RTKN2: variants seen among roughly 807,000 people sequenced by gnomAD.
RTKN2 encodes rhotekin 2.
Under a neutral mutation model 71.5 loss-of-function variants are expected in RTKN2, and 69 were observed. That is an observed-to-expected ratio of 0.96 (90% CI 0.79 to 1.18). RTKN2 has a LOEUF of 1.18. RTKN2 is among the 50% of genes most tolerant of loss of function. The probability of loss-of-function intolerance (pLI) is 0.00; values close to 1 mark genes in which losing one functional copy is unlikely to be tolerated. For synonymous variants in RTKN2, 236 were observed against 236.5 expected, an observed-to-expected ratio of 1.00 and a Z score of 0.02; for missense variants, 724 against 719.7, an observed-to-expected ratio of 1.01 and a Z score of -0.07.
At chr10:62,246,858 G>C (rs769287) in intron 2 of RTKN2, among the ~76,000 whole-genome samples, 27,476 of 150,658 alleles carry the variant, frequency 0.18, 2,770 homozygotes, top group African/African-American at 0.27. Flanking sequence ...ATCTGAAGTT[G>C]GAATATTTTA....
chr10:62,204,623 G>T (rs967603440), intron 10 of RTKN2, among the ~76,000 whole-genome samples: 1 of 152,126 alleles, frequency 6.6e-6, no homozygotes, highest in African/African-American at 2.4e-5. Context: ...ACCAGAGGGA[G>T]CTTCAAAAAG....
intron 5 of RTKN2, among the ~76,000 whole-genome samples, chr10:62,236,957 C>A (rs1842271794): frequency 6.6e-6 from 1 of 151,082 alleles, no homozygotes; most frequent in East Asian, 1.9e-4. Flanking sequence ...CAGTGGTTAC[C>A]ATGGGCAAGG....
At chr10:62,248,342 T>C (rs1331087076) in intron 2 of RTKN2, among the ~76,000 whole-genome samples, 2 of 152,172 alleles carry the variant, frequency 1.3e-5, no homozygotes, top group African/African-American at 4.8e-5. Flanking sequence ...TTTAGGGTAC[T>C]AAAATGTGAT....
Position 62,198,409 on chromosome 10 carries a change from C to T in RTKN2, c.1329G>A (p.Thr443=), listed in dbSNP as rs766306236. 1.0e-5 allele frequency: 16 copies of T among 1,557,946 alleles called. No homozygotes were observed. The Admixed American group carries it at 1.2e-4, about 12-fold the overall frequency. Residue 443 remains threonine (T), a synonymous_variant, in exon 12 of 12, where the codon ACG becomes ACA. Transcript: ENST00000373789. The part of the protein sequence containing the change: ...IDSPMKLESL[T]DIIQKKIEET... Reference sequence around the variant, plus strand: ...CTTCAATTTTTTTTTGTATTATATCCGTTAAACTTTCAAGTTTCATAGGTG... The same window carrying T: ...CTTCAATTTTTTTTTGTATTATATCTGTTAAACTTTCAAGTTTCATAGGTG...
chr10:62,239,612 A>G lies in RTKN2; in HGVS notation c.488+36T>C, dbSNP rs765478833. The G allele has an allele frequency of 4.2e-6, 4 of 950,306 alleles. No individual in the cohort carries two copies. In the South Asian group the frequency reaches 7.2e-5, roughly 17 times the overall value. The allele number at this position is 950,306 out of a possible 1,614,324, so 58.9% of individuals were successfully genotyped here. Reference sequence around the variant, plus strand: ...TTCTTTTAAAAAAGAAGAATTTTAAATTATTTTTATTCTCTGAAGATTAAA... The same window carrying G: ...TTCTTTTAAAAAAGAAGAATTTTAAGTTATTTTTATTCTCTGAAGATTAAA... On this transcript the variant is annotated intron_variant, in intron 5 of 11. Coordinates refer to ENST00000373789, the MANE Select transcript of RTKN2 (RefSeq NM_145307.4).
At chr10:62,233,987 A>T (rs375796055) in intron 6 of RTKN2, among the ~76,000 whole-genome samples, 34 of 152,220 alleles carry the variant, frequency 2.2e-4, no homozygotes, top group Admixed American at 9.8e-4. Flanking sequence ...ATTTGTGAAG[A>T]AACAAATACA....
At chr10:62,220,180 A>C (rs551953012) in intron 7 of RTKN2, among the ~76,000 whole-genome samples, 1 of 152,200 alleles carries the variant, frequency 6.6e-6, no homozygotes, top group African/African-American at 2.4e-5. Context: ...AAAAGTTTTA[A>C]ATTTACCTAC....
chr10:62,229,528 G>A (rs1293121177), intron 6 of RTKN2, among the ~76,000 whole-genome samples: 1 of 152,072 alleles, frequency 6.6e-6, no homozygotes, highest in Non-Finnish European at 1.5e-5. Context: ...GACACTTTTG[G>A]GTTTTATTTT....
intron 6 of RTKN2, among the ~76,000 whole-genome samples, chr10:62,231,735 C>G (rs1466014609): frequency 2.0e-5 from 3 of 151,894 alleles, no homozygotes; most frequent in African/African-American, 7.3e-5. Flanking sequence ...GCACTCTTGT[C>G]AGGAAGAACG....
At chr10:62,184,224 C>T (rs967909702) in exon 9 of RTKN2, 19 of 724,120 alleles carry the variant, frequency 2.6e-5, no homozygotes, top group Admixed American at 1.1e-4. Context: ...AGGAAGGAGA[C>T]GCGTTGTCTT....
chr10:62,186,631 G>C (rs60180796), intron 8 of RTKN2, among the ~76,000 whole-genome samples: 3,113 of 152,170 alleles, frequency 0.02, 103 homozygotes, highest in African/African-American at 0.07. Context: ...AGTTCCACTT[G>C]GCTCTGTCTT....
At chr10:62,186,462 C>T (rs866584846) in intron 8 of RTKN2, among the ~76,000 whole-genome samples, 2 of 146,490 alleles carry the variant, frequency 1.4e-5, no homozygotes, top group South Asian at 4.2e-4. Flanking sequence ...AACGCAGTAG[C>T]GGAATGAAAA....
chr10:62,218,402 C>A, intron 7 of RTKN2, 101 bp from the exon 8 acceptor site: 1 of 757,952 alleles, frequency 1.3e-6, no homozygotes. Flanking sequence ...TTTTGTTTTG[C>A]TTTGTACAGA....
chr10:62,235,149 T>C (rs922727205), intron 6 of RTKN2, among the ~76,000 whole-genome samples: 2 of 152,156 alleles, frequency 1.3e-5, no homozygotes, highest in African/African-American at 2.4e-5. Flanking sequence ...CAGGAAATTG[T>C]AGTAGGCTAA....
At chr10:62,185,345 C>T (rs1244275287) in intron 8 of RTKN2, among the ~76,000 whole-genome samples, 2 of 152,096 alleles carry the variant, frequency 1.3e-5, no homozygotes, top group South Asian at 2.1e-4. Context: ...AGGCTGGGCA[C>T]GGTGGCTCAG....
chr10:62,240,037 C>T (rs1167734566), intron 4 of RTKN2, among the ~76,000 whole-genome samples: 1 of 152,066 alleles, frequency 6.6e-6, no homozygotes. Context: ...AAATTTTATT[C>T]CTATTAAACT....
downstream of RTKN2, among the ~76,000 whole-genome samples, chr10:62,192,063 A>G (rs1380725448): frequency 6.6e-6 from 1 of 151,882 alleles, no homozygotes; most frequent in African/African-American, 2.4e-5. Flanking sequence ...TTTTATCTTA[A>G]ACATTAAAAT....
intron 1 of RTKN2, among the ~76,000 whole-genome samples, chr10:62,265,221 G>A (rs1011741787): frequency 1.3e-5 from 2 of 151,956 alleles, no homozygotes; most frequent in East Asian, 3.9e-4. Flanking sequence ...TTAGAGCAAG[G>A]GTCAGAAAAC....
At chr10:62,240,731 C>G (rs2133006458) in intron 4 of RTKN2, among the ~76,000 whole-genome samples, 1 of 152,134 alleles carries the variant, frequency 6.6e-6, no homozygotes, top group East Asian at 1.9e-4. Context: ...TCAGATCAAG[C>G]TAAAAATCTT....
Sources: gnomAD v4.1 joint callset for allele counts (sites outside exome capture counted in the v4.1 genomes callset) on GRCh38, gnomAD v4.1.1 for gene constraint, MANE v1.5 for transcripts, NCBI Gene and HGNC (gene_info 2026-07-23, HGNC 2026-07-21) for gene names.